Variants in MAPRE2 observed in about 807,000 individuals in gnomAD.
The protein encoded by MAPRE2 is microtubule associated protein RP/EB family member 2.
A neutral mutation model predicts 43.2 loss-of-function variants in MAPRE2; 13 were observed. That is an observed-to-expected ratio of 0.30 (90% CI 0.20 to 0.48). The LOEUF (loss-of-function observed/expected upper bound fraction) is 0.48, where lower values mean the gene tolerates loss of function less well. Among genes scored for constraint, MAPRE2 ranks in the 20% least tolerant of loss-of-function variants. MAPRE2 has a pLI of 0.99. For synonymous variants in MAPRE2, 135 were observed against 148.8 expected, an observed-to-expected ratio of 0.91 and a Z score of 0.68; for missense variants, 161 against 400.2, an observed-to-expected ratio of 0.40 and a Z score of 5.10.
At chr18:34,994,661 C>T (rs951642015) in intron 1 of MAPRE2, among the ~76,000 whole-genome samples, 2 of 151,980 alleles carry the variant, frequency 1.3e-5, no homozygotes, top group African/African-American at 2.4e-5. Context: ...TATTTTATAT[C>T]CCTATAATCA....
At chr18:35,122,188 A>G (rs1909707160) in intron 4 of MAPRE2, among the ~76,000 whole-genome samples, 1 of 152,244 alleles carries the variant, frequency 6.6e-6, no homozygotes, top group Admixed American at 6.5e-5. Context: ...TTATACATTT[A>G]GTATTTCTTA....
At chr18:35,129,771 G>T (rs1490465868) in intron 5 of MAPRE2, among the ~76,000 whole-genome samples, 1 of 152,212 alleles carries the variant, frequency 6.6e-6, no homozygotes, top group East Asian at 1.9e-4. Flanking sequence ...ACACTGGGAG[G>T]AGTTGGAAGA....
At chr18:35,004,504 G>A (rs754010992) in intron 1 of MAPRE2, among the ~76,000 whole-genome samples, 3 of 152,190 alleles carry the variant, frequency 2.0e-5, no homozygotes, top group Non-Finnish European at 4.4e-5. Context: ...GATTCTCAAA[G>A]CAAACTCAGA....
chr18:35,044,011 G>A (rs1169690061), intron 1 of MAPRE2, among the ~76,000 whole-genome samples: 1 of 152,176 alleles, frequency 6.6e-6, no homozygotes, highest in African/African-American at 2.4e-5. Context: ...ATTTGAAAGC[G>A]AAGAGTAGAG....
rs2097013832 is a variant in MAPRE2 at position 34,977,489 on chromosome 18, A to T, written c.-70+410A>T. On this transcript the variant is annotated intron_variant, in intron 1 of 7. Transcript: ENST00000413393. ...CGCGACTGCGCGACCGCGGCGCACG[A>T]CCCTCCAGGCTCTAGCTGGGGCGCC... Among the ~76,000 whole-genome samples the T allele has an allele frequency of 2.0e-5, 3 of 152,054 alleles. No homozygotes were observed. The South Asian group carries it at 6.2e-4, about 31-fold the overall frequency.
At chr18:35,026,636 A>C (rs1278523204) in intron 2 of MAPRE2, among the ~76,000 whole-genome samples, 1 of 152,230 alleles carries the variant, frequency 6.6e-6, no homozygotes, top group East Asian at 1.9e-4. Flanking sequence ...CTCCCTCCCC[A>C]AAAATATTTG....
chr18:35,046,722 A>G (rs1220722058), intron 1 of MAPRE2, among the ~76,000 whole-genome samples: 1 of 152,210 alleles, frequency 6.6e-6, no homozygotes, highest in East Asian at 1.9e-4. Context: ...GAAAATACTT[A>G]ATGCCATGCG....
intron 2 of MAPRE2, among the ~76,000 whole-genome samples, chr18:35,087,816 T>G (rs9944792): frequency 0.029 from 4,379 of 152,304 alleles, 202 homozygotes; most frequent in African/African-American, 0.1. Context: ...ACAGAATACT[T>G]CAAACTGGGT....
At chr18:35,067,465 T>C (rs1382958596) in intron 1 of MAPRE2, among the ~76,000 whole-genome samples, 2 of 152,254 alleles carry the variant, frequency 1.3e-5, no homozygotes, top group African/African-American at 4.8e-5. Context: ...TTCTGTTGTA[T>C]ATTAATTTCT....
intron 2 of MAPRE2, among the ~76,000 whole-genome samples, chr18:35,035,860 C>T (rs527309981): frequency 7.5e-6 from 1 of 133,860 alleles, no homozygotes; most frequent in East Asian, 2.1e-4. Flanking sequence ...TTCTCTTTCC[C>T]CCTGAATGAG....
intron 1 of MAPRE2, among the ~76,000 whole-genome samples, chr18:35,055,362 C>T (rs186692753): frequency 7.2e-5 from 11 of 152,274 alleles, no homozygotes; most frequent in Admixed American, 7.2e-4. Flanking sequence ...ACCTGGCCTT[C>T]TTCATCTGTG....
intron 1 of MAPRE2, among the ~76,000 whole-genome samples, chr18:35,062,115 AG>A (rs1906563951): frequency 6.6e-6 from 1 of 152,206 alleles, no homozygotes; most frequent in South Asian, 2.1e-4. Flanking sequence ...GGAGGCACGC[AG>A]GCAGGATCTG....
intron 2 of MAPRE2, among the ~76,000 whole-genome samples, chr18:35,012,360 G>A (rs143930747): frequency 1.3e-5 from 2 of 152,134 alleles, no homozygotes; most frequent in African/African-American, 4.8e-5. Flanking sequence ...TGCCCAAGGA[G>A]AGTATAGAAT....
At chr18:35,111,275 CT>C (rs1348978151) in intron 4 of MAPRE2, among the ~76,000 whole-genome samples, 1 of 152,046 alleles carries the variant, frequency 6.6e-6, no homozygotes, top group South Asian at 2.1e-4. Flanking sequence ...TTTCTGTTTA[CT>C]TTTTTTTCTT....
At chr18:35,088,708 T>C (rs1907992491) in intron 2 of MAPRE2, among the ~76,000 whole-genome samples, 1 of 152,174 alleles carries the variant, frequency 6.6e-6, no homozygotes, top group Non-Finnish European at 1.5e-5. Context: ...AATATTTCAG[T>C]TTGTTGACAT....
At chr18:35,004,559 G>A (rs1362897607) in intron 1 of MAPRE2, among the ~76,000 whole-genome samples, 2 of 152,316 alleles carry the variant, frequency 1.3e-5, no homozygotes, top group African/African-American at 4.8e-5. Flanking sequence ...TCCCTCATCA[G>A]TTTACTGTCT....
intron 1 of MAPRE2, among the ~76,000 whole-genome samples, chr18:35,002,284 A>T (rs1265235293): frequency 6.6e-6 from 1 of 152,134 alleles, no homozygotes; most frequent in African/African-American, 2.4e-5. Context: ...GTTCCTTCTT[A>T]TTGCTGGGTA....
Position 35,141,030 on chromosome 18 carries a change from A to G in MAPRE2, c.*661A>G, listed in dbSNP as rs1481047234. On this transcript the variant is annotated 3_prime_UTR_variant, in exon 7 of 7. Transcript: ENST00000300249. ...TCAGCATGTTAGACAACTACACAGT[A>G]TGTTGTTAGTTTTGAAAGACATTCA... The G allele has an allele frequency of 1.3e-5, 2 of 152,202 alleles. No homozygotes were observed. The highest frequency in any genetic ancestry group is 3.9e-4 in the East Asian group (2 of 5,192). 9.4% of individuals were successfully genotyped at this position (152,202 alleles called of 1,614,324 possible).
chr18:35,086,282 G>A (rs989241196), intron 2 of MAPRE2, among the ~76,000 whole-genome samples: 1 of 151,384 alleles, frequency 6.6e-6, no homozygotes, highest in African/African-American at 2.4e-5. Flanking sequence ...GTATATATGA[G>A]ATACATATAT....
Sources: gnomAD v4.1 joint callset for allele counts (sites outside exome capture counted in the v4.1 genomes callset) on GRCh38, gnomAD v4.1.1 for gene constraint, MANE v1.5 for transcripts, NCBI Gene and HGNC (gene_info 2026-07-23, HGNC 2026-07-21) for gene names.